The following PPARG variants were observed in gnomAD, a reference collection of about 807,000 sequenced individuals.
PPARG encodes the protein peroxisome proliferator activated receptor gamma.
A neutral mutation model predicts 39.2 loss-of-function variants in PPARG; 17 were observed. The observed-to-expected ratio is 0.43, with a 90% CI of 0.30 to 0.65. The LOEUF is 0.65. Ranked by LOEUF, PPARG falls within the 30% of genes least tolerant of loss-of-function variation. The probability of loss-of-function intolerance (pLI) is 0.13; values close to 1 mark genes in which losing one functional copy is unlikely to be tolerated. For synonymous variants in PPARG, 223 were observed against 215.7 expected (o/e 1.03, Z -0.30); for missense variants, 406 against 585.9 (o/e 0.69, Z 3.17).
At chr3:12,307,692 A>G (rs114637675) in intron 1 of PPARG, among the ~76,000 whole-genome samples, 1,842 of 152,338 alleles carry the variant, frequency 0.012, 54 homozygotes, top group African/African-American at 0.043. Context: ...GAAAACACTT[A>G]AAGGAAAATT....
At chr3:12,292,029 G>GCTAA (rs1298386826) in intron 1 of PPARG, among the ~76,000 whole-genome samples, 2 of 152,166 alleles carry the variant, frequency 1.3e-5, no homozygotes, top group African/African-American at 4.8e-5. Flanking sequence ...CTATGTCATA[G>GCTAA]CTAACTCTTT....
At chr3:12,357,114 C>T (rs1444936567) in intron 2 of PPARG, among the ~76,000 whole-genome samples, 2 of 152,154 alleles carry the variant, frequency 1.3e-5, no homozygotes, top group African/African-American at 4.8e-5. Flanking sequence ...TCCATCCTAA[C>T]CTCACAACAG....
intron 4 of PPARG, among the ~76,000 whole-genome samples, chr3:12,388,985 A>G (rs1362608151): frequency 6.6e-6 from 1 of 152,192 alleles, no homozygotes. Context: ...GAATGAAAGC[A>G]ACAGTGTCTT....
In PPARG at chr3:12,381,620, C is replaced by T; in HGVS notation, c.390+129C>T. ...TGGAAGAGTATCTTGCTCTGTCACC[C>T]AGACCAGAGTGCAGTGGTGCTATCC... On this transcript the variant is annotated intron_variant, in intron 4 of 7. Transcript: ENST00000651735. 3 of 952,274 alleles carry T rather than the reference C, an allele frequency of 3.2e-6. No homozygotes were observed. In the South Asian group the frequency reaches 4.5e-5, roughly 14 times the overall value. The allele number at this position is 952,274 out of a possible 1,614,324, so 59.0% of individuals were successfully genotyped here.
At chr3:12,346,513 C>A (rs2048331174) in intron 2 of PPARG, among the ~76,000 whole-genome samples, 1 of 152,098 alleles carries the variant, frequency 6.6e-6, no homozygotes, top group African/African-American at 2.4e-5. Flanking sequence ...AGGTTTGTGG[C>A]TGAGCCAAGA....
intron 2 of PPARG, among the ~76,000 whole-genome samples, chr3:12,316,394 C>T (rs745681351): frequency 2.6e-5 from 4 of 152,022 alleles, no homozygotes; most frequent in Non-Finnish European, 5.9e-5. Context: ...AGTCAAATTT[C>T]GTAGAGACAG....
At chr3:12,356,049 A>G (rs1160034743) in intron 2 of PPARG, among the ~76,000 whole-genome samples, 1 of 152,232 alleles carries the variant, frequency 6.6e-6, no homozygotes, top group Non-Finnish European at 1.5e-5. Context: ...GATCAACAAA[A>G]GTGATACAGA....
intron 7 of PPARG, among the ~76,000 whole-genome samples, chr3:12,424,204 C>T (rs940913975): frequency 2.0e-5 from 3 of 152,212 alleles, no homozygotes; most frequent in East Asian, 3.9e-4. Flanking sequence ...GAGCTGGGGG[C>T]GGGGATAGAA....
At chr3:12,419,658 A>G (rs1483777680) in intron 7 of PPARG, among the ~76,000 whole-genome samples, 1 of 151,692 alleles carries the variant, frequency 6.6e-6, no homozygotes, top group Non-Finnish European at 1.5e-5. Flanking sequence ...TACTAGAGAC[A>G]GGGTTTCACA....
chr3:12,348,972 C>T (rs954577178), intron 2 of PPARG, among the ~76,000 whole-genome samples: 1 of 152,168 alleles, frequency 6.6e-6, no homozygotes, highest in Admixed American at 6.5e-5. Context: ...TAGGGATAGT[C>T]ACGTGCATGT....
intron 5 of PPARG, chr3:12,399,223 ATCT>A (rs1174438920): frequency 2.6e-6 from 1 of 391,478 alleles, no homozygotes; most frequent in Non-Finnish European, 5.1e-6. Context: ...TGTTTTGCTC[ATCT>A]TCATTTTTGA....
At chr3:12,307,898 G>A (rs1210100675) in intron 1 of PPARG, among the ~76,000 whole-genome samples, 1 of 152,174 alleles carries the variant, frequency 6.6e-6, no homozygotes, top group African/African-American at 2.4e-5. Flanking sequence ...GAGGAGTTGT[G>A]TTTAGAGATA....
At chr3:12,370,138 C>G (rs1268498235) in intron 2 of PPARG, among the ~76,000 whole-genome samples, 1 of 152,066 alleles carries the variant, frequency 6.6e-6, no homozygotes, top group Non-Finnish European at 1.5e-5. Flanking sequence ...TCTTTACTCT[C>G]ATACTTGATG....
intron 7 of PPARG, among the ~76,000 whole-genome samples, chr3:12,429,054 G>A (rs566397741): frequency 3.3e-5 from 5 of 152,284 alleles, no homozygotes; most frequent in African/African-American, 1.2e-4. Context: ...ACTTTTCTCT[G>A]CTGCCCTCCT....
chr3:12,303,353 C>T lies in PPARG; in HGVS notation c.-82-9027C>T, dbSNP rs534472958. On this transcript the variant is annotated intron_variant, in intron 1 of 7. Coordinates refer to ENST00000651735, the MANE Select transcript of PPARG (RefSeq NM_138711.6). Reference sequence around the variant, plus strand: ...CTGGGATTACAGGCATGCACCACCACACCCGGCTAGTTTTTAAAAGTATTT... The same window carrying T: ...CTGGGATTACAGGCATGCACCACCATACCCGGCTAGTTTTTAAAAGTATTT... Among the ~76,000 whole-genome samples, 7 of 152,256 alleles carry T rather than the reference C, an allele frequency of 4.6e-5. No homozygotes were observed. In the South Asian group the frequency reaches 1.2e-3, roughly 27 times the overall value.
At chr3:12,344,208 G>A (rs1638273006) in intron 2 of PPARG, among the ~76,000 whole-genome samples, 1 of 152,130 alleles carries the variant, frequency 6.6e-6, no homozygotes, top group South Asian at 2.1e-4. Context: ...TATTTTAAAA[G>A]ACTTAGCACA....
chr3:12,434,009 C>T lies in PPARG; in HGVS notation c.1292C>T (p.Ala431Val). Reference sequence around the variant, plus strand: ...CACCCTGAGTCCTCACAGCTGTTTGCCAAGCTGCTCCAGAAAATGACAGAC... The same window carrying T: ...CACCCTGAGTCCTCACAGCTGTTTGTCAAGCTGCTCCAGAAAATGACAGAC... ...LNHPESSQLFAKLLQKMTDLR... is the reference protein window; with the variant it reads ...LNHPESSQLFVKLLQKMTDLR... The change falls in exon 8 of 8, where the codon GCC becomes GTC. Residue 431 changes from alanine (A) to valine (V), a missense_variant. By Grantham distance (64) the Ala-to-Val change is moderately conservative (BLOSUM62 0). Coordinates refer to ENST00000651735, the MANE Select transcript of PPARG (RefSeq NM_138711.6). This position sits in a 1 kb window ranked among gnomAD's most constrained non-coding sequence, Gnocchi z 4.2. 4 of 1,614,226 alleles carry T rather than the reference C, an allele frequency of 2.5e-6. No individual in the cohort carries two copies. Among genetic ancestry groups the T allele is most frequent in the Non-Finnish European group, 3.4e-6 (4 of 1,180,048 alleles).
intron 7 of PPARG, among the ~76,000 whole-genome samples, chr3:12,417,888 C>CTTTTTTTTTTTTTCTTTTTTTTTT (rs1240237792): frequency 3.1e-5 from 2 of 64,066 alleles, no homozygotes; most frequent in Non-Finnish European, 5.8e-5. Flanking sequence ...TTTTTTTTTT[C>CTTTTTTTTTTTTTCTTTTTTTTTT]TTTTTTTTTT....
chr3:12,363,733 TC>T (rs2048927098), intron 2 of PPARG, among the ~76,000 whole-genome samples: 1 of 152,172 alleles, frequency 6.6e-6, no homozygotes, highest in African/African-American at 2.4e-5. Context: ...TCTGGATCAT[TC>T]CTTTCATTTT....
Sources: allele counts gnomAD v4.1 joint callset (sites outside exome capture counted in the v4.1 genomes callset), GRCh38; gene constraint gnomAD v4.1.1; non-coding constraint Gnocchi (gnomAD v3.1); transcripts MANE v1.5; gene names NCBI Gene and HGNC (gene_info 2026-07-23, HGNC 2026-07-21).